Variants in HTRA1 observed in about 807,000 individuals in gnomAD.
HTRA1 encodes serine protease HTRA1.
A neutral mutation model predicts 49.7 loss-of-function variants in HTRA1; 26 were observed. That is an observed-to-expected ratio of 0.52 (90% CI 0.38 to 0.73). The LOEUF is 0.73. HTRA1 is among the 30% of genes least tolerant of loss of function. The pLI is 0.00. For missense variants in HTRA1, 561 were observed against 667.2 expected (o/e 0.84, Z 1.75); for synonymous variants, 291 against 286.9 (o/e 1.01, Z -0.14).
intron 3 of HTRA1, among the ~76,000 whole-genome samples, chr10:122,497,904 A>G (rs1296634934): frequency 1.3e-5 from 2 of 152,196 alleles, no homozygotes; most frequent in Non-Finnish European, 2.9e-5. Context: ...GAGGAGACGC[A>G]AGTTAGACTT....
At chr10:122,482,144 TA>T (rs1425348591) in intron 1 of HTRA1, among the ~76,000 whole-genome samples, 1 of 152,094 alleles carries the variant, frequency 6.6e-6, no homozygotes, top group Non-Finnish European at 1.5e-5. Flanking sequence ...CAGTGGTCAT[TA>T]AAAAAAGACA....
chr10:122,510,262 TCA>T, intron 7 of HTRA1, 109 bp downstream of exon 7: 1 of 856,222 alleles, frequency 1.2e-6, no homozygotes, highest in African/African-American at 1.6e-5. Context: ...TTAAGACGTC[TCA>T]GTTTCTGCTT....
At chr10:122,509,634 G>A (rs532199398) in intron 6 of HTRA1, among the ~76,000 whole-genome samples, 1 of 152,304 alleles carries the variant, frequency 6.6e-6, no homozygotes, top group East Asian at 1.9e-4. Context: ...GAACAGGGAA[G>A]TTTATGATCT....
At chr10:122,473,063 A>T (rs997815805) in intron 1 of HTRA1, among the ~76,000 whole-genome samples, 1 of 152,198 alleles carries the variant, frequency 6.6e-6, no homozygotes, top group Admixed American at 6.5e-5. Context: ...CATTCTGCTC[A>T]CTGTTAGATT....
intron 1 of HTRA1, among the ~76,000 whole-genome samples, chr10:122,465,675 C>A (rs1266698185): frequency 6.6e-6 from 1 of 152,188 alleles, no homozygotes; most frequent in African/African-American, 2.4e-5. Context: ...GCTCAGGAGC[C>A]TGAAGACAAG....
intron 1 of HTRA1, among the ~76,000 whole-genome samples, chr10:122,481,384 A>G (rs539382929): frequency 6.6e-6 from 1 of 152,296 alleles, no homozygotes; most frequent in South Asian, 2.1e-4. Context: ...AGCCACCCTG[A>G]TGGGATAGAT....
At chr10:122,463,769 C>T (rs1033246269) in intron 1 of HTRA1, among the ~76,000 whole-genome samples, 7 of 152,196 alleles carry the variant, frequency 4.6e-5, no homozygotes, top group African/African-American at 1.7e-4. Flanking sequence ...AGGAGTCAGC[C>T]CAGCACTTAA....
chr10:122,479,036 G>C (rs1325184382), intron 1 of HTRA1, among the ~76,000 whole-genome samples: 3 of 152,234 alleles, frequency 2.0e-5, no homozygotes, highest in African/African-American at 4.8e-5. Flanking sequence ...TCTTGCAACT[G>C]ATTTGAATTT....
intron 1 of HTRA1, among the ~76,000 whole-genome samples, chr10:122,462,432 C>T (rs926631901): frequency 3.3e-5 from 5 of 152,248 alleles, no homozygotes; most frequent in Non-Finnish European, 5.9e-5. Flanking sequence ...AGCGCGGGGA[C>T]CCCAGGACAA....
intron 3 of HTRA1, among the ~76,000 whole-genome samples, chr10:122,497,477 C>T (rs2133443456): frequency 6.6e-6 from 1 of 152,294 alleles, no homozygotes; most frequent in Non-Finnish European, 1.5e-5. Flanking sequence ...GCCAGAGTGC[C>T]TTCAGGGCAG....
intron 1 of HTRA1, among the ~76,000 whole-genome samples, chr10:122,477,166 A>T (rs1227838483): frequency 6.6e-6 from 1 of 151,802 alleles, no homozygotes; most frequent in Non-Finnish European, 1.5e-5. Flanking sequence ...ACTGGGTTTC[A>T]CTGTGTTAGC....
intron 3 of HTRA1, among the ~76,000 whole-genome samples, chr10:122,492,886 C>G (rs944019488): frequency 3.5e-4 from 54 of 152,130 alleles, no homozygotes; most frequent in African/African-American, 1.3e-3. Flanking sequence ...TGGATGCCAC[C>G]CACAGAGACT....
chr10:122,477,999 C>G (rs1386537904), intron 1 of HTRA1, among the ~76,000 whole-genome samples: 1 of 152,192 alleles, frequency 6.6e-6, no homozygotes, highest in Non-Finnish European at 1.5e-5. Flanking sequence ...TAGCTCATCC[C>G]GGCCTCCATC....
Position 122,512,076 on chromosome 10 carries a change from G to C in HTRA1, c.1274+11G>C, listed in dbSNP as rs1258862797. On this transcript the variant is annotated intron_variant, in intron 8 of 8. Transcript: ENST00000368984. ...TACCCCAGCAGAAGCGTGAGTTGGA[G>C]TCGTTTTCTCTTTTCCCAATATTCT... 3.2e-6 allele frequency: 5 copies of C among 1,572,934 alleles called. No homozygotes were observed. In the East Asian group the frequency reaches 1.1e-4, roughly 35 times the overall value.
At position 122,461,609 on chromosome 10, in the gene HTRA1, C is replaced by T; in HGVS notation, c.-44C>T. The T allele has an allele frequency of 8.2e-7, 1 of 1,214,768 alleles. No individual in the cohort carries two copies. The highest frequency in any genetic ancestry group is 1.1e-6 in the Non-Finnish European group (1 of 932,914). 75.2% of individuals were successfully genotyped at this position (1,214,768 alleles called of 1,614,324 possible). A position where few individuals can be genotyped will look rare whatever the true frequency, so the allele number is the denominator to read the frequency against. On this transcript the variant is annotated 5_prime_UTR_variant, in exon 1 of 9. Coordinates refer to ENST00000368984, the MANE Select transcript of HTRA1 (RefSeq NM_002775.5). ...CACTCTCCCCGGCGCCGCTCTCCGG[C>T]CCTCGCCCTGTCCGCCGCCACCGCC...
At chr10:122,492,394 C>A (rs908815002) in intron 3 of HTRA1, among the ~76,000 whole-genome samples, 1 of 152,130 alleles carries the variant, frequency 6.6e-6, no homozygotes. Flanking sequence ...AGTGCAGTGG[C>A]GCCATCTCCG....
intron 4 of HTRA1, among the ~76,000 whole-genome samples, chr10:122,507,166 C>T (rs1194901582): frequency 6.6e-6 from 1 of 152,138 alleles, no homozygotes; most frequent in Non-Finnish European, 1.5e-5. Context: ...GAGAAAATCT[C>T]CCTGTTTACG....
In HTRA1 at chr10:122,461,698, C is replaced by T. The variant is rs1479531816; in HGVS notation, c.46C>T (p.Leu16=). 3.1e-6 allele frequency: 4 copies of T among 1,299,396 alleles called. No individual in the cohort carries two copies. Among genetic ancestry groups the T allele is most frequent in the Admixed American group, 2.8e-5 (1 of 36,132 alleles). The allele number at this position is 1,299,396 out of a possible 1,614,324, so 80.5% of individuals were successfully genotyped here. Residue 16 remains leucine (L), a synonymous_variant, in exon 1 of 9, where the codon CTG becomes TTG. Transcript: ENST00000368984. ...AALLPLLLLL[L]AAPASAQLSR... Reference sequence around the variant, plus strand: ...TCTTCTCCCGCTGCTGCTGCTGCTGCTGGCGGCGCCCGCCTCGGCGCAGCT... The same window carrying T: ...TCTTCTCCCGCTGCTGCTGCTGCTGTTGGCGGCGCCCGCCTCGGCGCAGCT...
chr10:122,508,040 C>G (rs1043013499), intron 5 of HTRA1, among the ~76,000 whole-genome samples: 1 of 134,056 alleles, frequency 7.5e-6, no homozygotes, highest in Admixed American at 8.0e-5. Context: ...CTGTCTTTAG[C>G]AAGGCCCAGT....
Sources: gnomAD v4.1 joint callset for allele counts (sites outside exome capture counted in the v4.1 genomes callset) on GRCh38, gnomAD v4.1.1 for gene constraint, MANE v1.5 for transcripts, NCBI Gene and HGNC (gene_info 2026-07-23, HGNC 2026-07-21) for gene names.